FARS2: variants seen among roughly 807,000 people sequenced by gnomAD.
FARS2 encodes the protein phenylalanyl-tRNA synthetase 2, mitochondrial.
A neutral mutation model predicts 46.4 loss-of-function variants in FARS2; 40 were observed. The ratio of observed to expected loss-of-function variants is 0.86; its 90% CI spans 0.67 to 1.12. The LOEUF is 1.12. Ranked by LOEUF, FARS2 falls within the 50% of genes most tolerant of loss-of-function variation. The pLI is 0.00. For missense variants in FARS2, 513 were observed against 567.9 expected (o/e 0.90, Z 0.98); for synonymous variants, 234 against 214.9 (o/e 1.09, Z -0.78).
chr6:5,522,144 GA>G (rs1769182283), intron 4 of FARS2, among the ~76,000 whole-genome samples: 1 of 152,318 alleles, frequency 6.6e-6, no homozygotes, highest in African/African-American at 2.4e-5. Context: ...CTCAGTCAGA[GA>G]GAGACCAGTG....
intron 6 of FARS2, among the ~76,000 whole-genome samples, chr6:5,689,685 G>T (rs542192161): frequency 2.0e-5 from 3 of 151,994 alleles, no homozygotes; most frequent in Non-Finnish European, 4.4e-5. Context: ...GTTGATTTGG[G>T]GTGGTGAGTT....
intron 2 of FARS2, among the ~76,000 whole-genome samples, chr6:5,388,086 A>G (rs1441779243): frequency 6.6e-6 from 1 of 151,952 alleles, no homozygotes; most frequent in East Asian, 1.9e-4. Flanking sequence ...TTTTGTTTCT[A>G]AACTCTCTTG....
chr6:5,437,013 A>G (rs181664993), intron 4 of FARS2, among the ~76,000 whole-genome samples: 3 of 152,340 alleles, frequency 2.0e-5, no homozygotes, highest in Non-Finnish European at 2.9e-5. Context: ...TCAAGATGAT[A>G]AATGTTTTCA....
chr6:5,332,280 G>C (rs1479031972), intron 1 of FARS2, among the ~76,000 whole-genome samples: 1 of 152,232 alleles, frequency 6.6e-6, no homozygotes, highest in East Asian at 1.9e-4. Context: ...CTTTGCAGGG[G>C]CATAGCACAT....
At chr6:5,528,700 G>C (rs1158724396) in intron 4 of FARS2, among the ~76,000 whole-genome samples, 1 of 152,144 alleles carries the variant, frequency 6.6e-6, no homozygotes, top group African/African-American at 2.4e-5. Context: ...TTAAATCTAA[G>C]GGTGGTCAAG....
At chr6:5,598,429 A>C (rs1399338588) in intron 5 of FARS2, among the ~76,000 whole-genome samples, 2 of 152,320 alleles carry the variant, frequency 1.3e-5, no homozygotes, top group East Asian at 1.9e-4. Context: ...GTAAGTAAAT[A>C]AATAAGTGGT....
intron 4 of FARS2, among the ~76,000 whole-genome samples, chr6:5,456,318 G>A (rs1161207085): frequency 2.6e-5 from 4 of 152,212 alleles, no homozygotes; most frequent in Non-Finnish European, 2.9e-5. Flanking sequence ...AAACAAAGCC[G>A]TGTTCTTGTC....
intron 4 of FARS2, among the ~76,000 whole-genome samples, chr6:5,478,059 T>C (rs958180327): frequency 2.9e-5 from 4 of 139,132 alleles, no homozygotes; most frequent in Non-Finnish European, 6.1e-5. Flanking sequence ...CCAGTAACAA[T>C]GACCCGCCCC....
rs140636667 is a variant in FARS2 at position 5,265,882 on chromosome 6, T to C, written c.-22+4222T>C. Reference sequence around the variant, plus strand: ...TCATCCCTGATGCTTGGGCCACACCTCAGACCAACAGCAGTGCTAAGGCCC... The same window carrying C: ...TCATCCCTGATGCTTGGGCCACACCCCAGACCAACAGCAGTGCTAAGGCCC... On this transcript the variant is annotated intron_variant, in intron 1 of 6. Coordinates refer to ENST00000274680, the MANE Select transcript of FARS2 (RefSeq NM_006567.5). Among the ~76,000 whole-genome samples, 637 of 152,278 alleles carry C rather than the reference T, an allele frequency of 4.2e-3. 1 individual carries two copies. The highest frequency in any genetic ancestry group is 0.014 in the African/African-American group (601 of 41,548).
intron 6 of FARS2, among the ~76,000 whole-genome samples, chr6:5,691,530 G>A (rs1284567401): frequency 6.6e-6 from 1 of 152,182 alleles, no homozygotes; most frequent in Non-Finnish European, 1.5e-5. Context: ...AAATGTTGCT[G>A]CCTGATCGTT....
chr6:5,260,137 C>T (rs1316157521), upstream of FARS2, among the ~76,000 whole-genome samples: 1 of 152,116 alleles, frequency 6.6e-6, no homozygotes, highest in Non-Finnish European at 1.5e-5. Flanking sequence ...TTCCACCATA[C>T]CCTAAATAGA....
chr6:5,632,761 T>A (rs996602236), intron 6 of FARS2, among the ~76,000 whole-genome samples: 2 of 152,144 alleles, frequency 1.3e-5, no homozygotes, highest in African/African-American at 4.8e-5. Context: ...TTTAATGTGC[T>A]TTTTGGCCAT....
intron 4 of FARS2, among the ~76,000 whole-genome samples, chr6:5,517,273 C>A (rs1276520019): frequency 1.3e-5 from 2 of 152,154 alleles, no homozygotes; most frequent in Admixed American, 1.3e-4. Context: ...CTAGTGAACA[C>A]TTGAAATATG....
At chr6:5,252,694 G>C in the FARS2 span, among the ~76,000 whole-genome samples, 1 of 151,958 alleles carries the variant, frequency 6.6e-6, no homozygotes, top group South Asian at 2.1e-4. Flanking sequence ...TGAAGTTTTG[G>C]TCAATGAGCA....
chr6:5,749,490 G>A (rs1415947744), intron 6 of FARS2, among the ~76,000 whole-genome samples: 1 of 152,172 alleles, frequency 6.6e-6, no homozygotes, highest in Non-Finnish European at 1.5e-5. Flanking sequence ...GTCACCTCCT[G>A]CTGCCAGCTC....
intron 6 of FARS2, among the ~76,000 whole-genome samples, chr6:5,623,158 T>A (rs1034426164): frequency 1.3e-5 from 2 of 152,226 alleles, no homozygotes; most frequent in African/African-American, 4.8e-5. Context: ...ACTATCTATG[T>A]GAAATGCTTT....
chr6:5,313,441 C>G (rs1180183358), intron 1 of FARS2, among the ~76,000 whole-genome samples: 1 of 152,202 alleles, frequency 6.6e-6, no homozygotes, highest in African/African-American at 2.4e-5. Context: ...TGATTCCCGG[C>G]TGTATTCCCT....
intron 1 of FARS2, among the ~76,000 whole-genome samples, chr6:5,325,940 G>A (rs184127287): frequency 6.6e-6 from 1 of 152,112 alleles, no homozygotes; most frequent in Non-Finnish European, 1.5e-5. Context: ...CATCAGATTG[G>A]CAGAGATGGA....
At chr6:5,375,109 C>T (rs1759294887) in intron 2 of FARS2, among the ~76,000 whole-genome samples, 1 of 148,048 alleles carries the variant, frequency 6.8e-6, no homozygotes, top group Non-Finnish European at 1.5e-5. Flanking sequence ...AAATAGAAGG[C>T]ATAAGCATTG....
Sources: allele counts gnomAD v4.1 joint callset (sites outside exome capture counted in the v4.1 genomes callset), GRCh38; gene constraint gnomAD v4.1.1; transcripts MANE v1.5; gene names NCBI Gene and HGNC (gene_info 2026-07-23, HGNC 2026-07-21).